Variants in EHMT1 observed in about 807,000 individuals in gnomAD.
EHMT1 encodes the protein histone-lysine N-methyltransferase EHMT1.
In EHMT1, 15 loss-of-function variants were observed where a neutral mutation model predicts 147.2. The ratio of observed to expected loss-of-function variants is 0.10; its 90% CI spans 0.07 to 0.16. EHMT1 has a LOEUF of 0.16. Ranked by LOEUF, EHMT1 falls within the 10% of genes least tolerant of loss-of-function variation. The pLI, the probability that EHMT1 is intolerant of heterozygous loss-of-function variation, is 1.00. For missense variants in EHMT1, 1,587 were observed against 1,772.4 expected, an observed-to-expected ratio of 0.90 and a Z score of 1.88; for synonymous variants, 795 against 709.6, an observed-to-expected ratio of 1.12 and a Z score of -1.91.
rs910229091 is a variant in EHMT1 at position 137,744,086 on chromosome 9, A to G, written c.1166A>G (p.Gln389Arg). 7.4e-6 allele frequency: 12 copies of G among 1,613,980 alleles called. No individual in the cohort carries two copies. In the Middle Eastern group the frequency reaches 9.9e-4, roughly 133 times the overall value. Reference sequence around the variant, plus strand: ...AGCATGTCGGAGGCTGATCGCGCCCAGAAGGTATGTGTTGCTGTCTTGGGT... The same window carrying G: ...AGCATGTCGGAGGCTGATCGCGCCCGGAAGGTATGTGTTGCTGTCTTGGGT... ...KESMSEADRA[Q>R]KMDGESEEEQ... Residue 389 changes from glutamine to arginine, a missense_variant, in exon 6 of 27, where the codon CAG becomes CGG. Physicochemically the swap from Gln to Arg is conservative, Grantham distance 43. Transcript: ENST00000460843.
At position 137,762,683 on chromosome 9, in the gene EHMT1, A is replaced by G. The variant is rs1167536431; in HGVS notation, c.1510A>G (p.Asn504Asp). The change falls in exon 10 of 27, where the codon AAC (asparagine) becomes GAC (aspartate). Residue 504 changes from asparagine (N) to aspartate (D), a missense_variant. This residue lies in a region of EHMT1 where 810 missense variants were observed against 673.0 expected (regional missense o/e 1.20). Coordinates refer to ENST00000460843, the MANE Select transcript of EHMT1 (RefSeq NM_024757.5). ...ILSSQAEGLA[N>D]GPDVLETDGL... ...TGTCTGTGTGACGTTAGGGTTGGCC[A>G]ACGGTCCAGATGTGCTGGAGACAGA... 1.9e-6 allele frequency: 3 copies of G among 1,614,124 alleles called. No individual in the cohort carries two copies. The highest frequency in any genetic ancestry group is 4.5e-5 in the East Asian group (2 of 44,900).
chr9:137,629,820 G>A (rs190379051), intron 1 of EHMT1, among the ~76,000 whole-genome samples: 56 of 152,244 alleles, frequency 3.7e-4, no homozygotes, highest in Non-Finnish European at 5.3e-4. Flanking sequence ...ATGAGCCACC[G>A]CACCCGGCTG....
At chr9:137,822,754 G>A (rs998231587) in intron 25 of EHMT1, among the ~76,000 whole-genome samples, 2 of 152,050 alleles carry the variant, frequency 1.3e-5, no homozygotes, top group African/African-American at 4.8e-5. Flanking sequence ...TTAGCCGGGT[G>A]TGGTGGCGCA....
At chr9:137,761,995 T>TGGGGC (rs2136343151) in intron 9 of EHMT1, among the ~76,000 whole-genome samples, 1 of 152,318 alleles carries the variant, frequency 6.6e-6, no homozygotes, top group South Asian at 2.1e-4. Flanking sequence ...CATCCGGGGC[T>TGGGGC]GGGGCAGGGC....
intron 25 of EHMT1, among the ~76,000 whole-genome samples, chr9:137,825,840 G>A (rs188826286): frequency 2.9e-4 from 44 of 152,194 alleles, no homozygotes; most frequent in Non-Finnish European, 5.0e-4. Context: ...CTACACCGGC[G>A]GGGCTGCCCA....
In EHMT1 at chr9:137,717,037, G is replaced by A. The variant is rs778503301; in HGVS notation, c.497G>A (p.Ser166Asn). ...GGGGCTGGCAAAGGCAGGACTCCAA[G>A]CGCTTTTCCCCAGACGCCAGCCGCC... ...PGGAGKGRTP[S>N]AFPQTPAAPP... Residue 166 changes from serine to asparagine, a missense_variant, in exon 3 of 27, where the codon AGC becomes AAC. Physicochemically the swap from Ser to Asn is conservative, Grantham distance 46. Transcript: ENST00000460843. The A allele has an allele frequency of 2.5e-6, 4 of 1,607,178 alleles. No homozygotes were observed. The highest frequency in any genetic ancestry group is 1.7e-5 in the Admixed American group (1 of 59,646).
chr9:137,761,928 C>T (rs60091931), intron 9 of EHMT1, among the ~76,000 whole-genome samples: 2,962 of 152,332 alleles, frequency 0.019, 111 homozygotes, highest in African/African-American at 0.067. Context: ...GTCTTCCTGG[C>T]GGTGCCCTCC....
chr9:137,807,101 T>C (rs1954013434), intron 18 of EHMT1, among the ~76,000 whole-genome samples: 3 of 152,262 alleles, frequency 2.0e-5, no homozygotes, highest in Admixed American at 2.0e-4. Context: ...TTTAGGGTTT[T>C]TGACAAATTT....
intron 1 of EHMT1, among the ~76,000 whole-genome samples, chr9:137,660,741 A>G (rs1471416807): frequency 6.6e-6 from 1 of 152,188 alleles, no homozygotes; most frequent in Non-Finnish European, 1.5e-5. Flanking sequence ...GAAATTTTAC[A>G]ATTTTTCCTG....
At chr9:137,676,956 T>C (rs2134424697) in intron 1 of EHMT1, among the ~76,000 whole-genome samples, 1 of 152,268 alleles carries the variant, frequency 6.6e-6, no homozygotes, top group Admixed American at 6.5e-5. Flanking sequence ...CCTGTCCTCA[T>C]GTCTAAATTT....
At position 137,717,010 on chromosome 9, in the gene EHMT1, G is replaced by C; in HGVS notation, c.470G>C (p.Gly157Ala). ...GGCCATGCTGCAAAAACCCTTCCTGGAGGGGCTGGCAAAGGCAGGACTCCA... is the reference window on the plus strand; with the variant it reads ...GGCCATGCTGCAAAAACCCTTCCTGCAGGGGCTGGCAAAGGCAGGACTCCA... ...LPGHAAKTLP[G>A]GAGKGRTPSA... is the part of the protein sequence containing the mutation. The change falls in exon 3 of 27, where the codon GGA becomes GCA. Residue 157 changes from glycine to alanine, a missense_variant. Gly to Ala is a moderately conservative substitution (Grantham distance 60). Coordinates refer to ENST00000460843, the MANE Select transcript of EHMT1 (RefSeq NM_024757.5). 6.2e-7 allele frequency: 1 copy of C among 1,607,366 alleles called. No individual in the cohort carries two copies. The highest frequency in any genetic ancestry group is 2.2e-5 in the East Asian group (1 of 44,764).
chr9:137,794,184 C>G, intron 16 of EHMT1, among the ~76,000 whole-genome samples: 1 of 152,102 alleles, frequency 6.6e-6, no homozygotes, highest in Non-Finnish European at 1.5e-5. Context: ...ATGGCTGTAT[C>G]AATTTATGAT....
At chr9:137,768,527 G>GTTTTTTTTTTTT (rs1564725367) in intron 10 of EHMT1, among the ~76,000 whole-genome samples, 2 of 28,142 alleles carry the variant, frequency 7.1e-5, no homozygotes, top group Non-Finnish European at 1.6e-4. Flanking sequence ...CTAATTTTTT[G>GTTTTTTTTTTTT]TATTTTTTTT....
At chr9:137,777,080 A>T in intron 12 of EHMT1, 3 of 503,746 alleles carry the variant, frequency 6.0e-6, no homozygotes, top group Non-Finnish European at 1.1e-5. Context: ...ACCGGTTTTC[A>T]CAGCACCCCC....
chr9:137,689,443 G>C (rs1310583673), intron 1 of EHMT1, among the ~76,000 whole-genome samples: 1 of 152,106 alleles, frequency 6.6e-6, no homozygotes, highest in African/African-American at 2.4e-5. Context: ...GGTGGCTCAT[G>C]CTGTTAATCC....
At chr9:137,827,579 T>C (rs1483312566) in intron 25 of EHMT1, among the ~76,000 whole-genome samples, 1 of 152,180 alleles carries the variant, frequency 6.6e-6, no homozygotes, top group East Asian at 1.9e-4. Context: ...CCAGCCCTGG[T>C]GTTGCCATCT....
chr9:137,636,976 C>T lies in EHMT1; in HGVS notation c.21+17927C>T, dbSNP rs111862087. Reference sequence around the variant, plus strand: ...GCAGTGGCGCGATGTCAGCTCACTGCAAGCTCTGCCTCCTGGGTTCACGCC... The same window carrying T: ...GCAGTGGCGCGATGTCAGCTCACTGTAAGCTCTGCCTCCTGGGTTCACGCC... On this transcript the variant is annotated intron_variant, in intron 1 of 26. Transcript: ENST00000460843. Among the ~76,000 whole-genome samples, 32 of 149,748 alleles carry T rather than the reference C, an allele frequency of 2.1e-4. 1 individual carries two copies. The highest frequency in any genetic ancestry group is 6.4e-4 in the African/African-American group (26 of 40,614).
intron 15 of EHMT1, chr9:137,788,700 G>A (rs1952219869): frequency 6.6e-6 from 1 of 152,196 alleles, no homozygotes. Flanking sequence ...TGCCTGGGAG[G>A]CGGACCGCGA....
intron 22 of EHMT1, chr9:137,815,729 A>AG: frequency 1.7e-6 from 1 of 595,962 alleles, no homozygotes; most frequent in Non-Finnish European, 3.1e-6. Context: ...GGAGCGCTCC[A>AG]GGGGGTCTCC....
Sources: allele counts gnomAD v4.1 joint callset (sites outside exome capture counted in the v4.1 genomes callset), GRCh38; gene constraint gnomAD v4.1.1; regional missense constraint gnomAD v4.1.1; transcripts MANE v1.5; gene names NCBI Gene and HGNC (gene_info 2026-07-23, HGNC 2026-07-21).